The following UBXN4 variants were observed in gnomAD, a reference collection of about 807,000 sequenced individuals.
UBXN4 encodes the protein UBX domain protein 4, also known as UBX domain-containing protein 4.
Under a neutral mutation model 66.2 loss-of-function variants are expected in UBXN4, and 35 were observed. The observed-to-expected ratio is 0.53, with a 90% CI of 0.40 to 0.70. The LOEUF (loss-of-function observed/expected upper bound fraction) is 0.70. Among genes scored for constraint, UBXN4 ranks in the 30% least tolerant of loss-of-function variants. The pLI is 0.00. For synonymous variants in UBXN4, 203 were observed against 204.5 expected (o/e 0.99, Z 0.06); for missense variants, 533 against 599.8 (o/e 0.89, Z 1.16).
intron 1 of UBXN4, chr2:135,747,904 A>G (rs778967347): frequency 2.5e-5 from 8 of 323,084 alleles, no homozygotes; most frequent in Non-Finnish European, 4.9e-5. Context: ...TATAGGCGTG[A>G]GCCACCGAGC....
chr2:135,747,313 A>G (rs1174769874), intron 1 of UBXN4, among the ~76,000 whole-genome samples: 1 of 138,210 alleles, frequency 7.2e-6, no homozygotes, highest in Non-Finnish European at 1.5e-5. Flanking sequence ...GCACCATTGC[A>G]CTACAACCTG....
Position 135,770,598 on chromosome 2 carries a change from A to G in UBXN4, c.685A>G (p.Arg229Gly), listed in dbSNP as rs2077377782. ...QREIKKEIER[R>G]KTGKEMLDYK... is the part of the protein sequence containing the mutation. ...AGAAATTAAGAAGGAAATTGAGAGG[A>G]GAAAAACTGGAAAAGAAATGTTGGA... The change falls in exon 8 of 13, where the codon AGA becomes GGA. Residue 229 changes from arginine to glycine, a missense_variant. Around this residue, in one of 2 missense-constraint regions of UBXN4, gnomAD observed 529 missense variants for 580.1 expected, o/e 0.91. Transcript: ENST00000272638. The G allele has an allele frequency of 2.0e-6, 3 of 1,532,016 alleles. No homozygotes were observed. The highest frequency in any genetic ancestry group is 2.6e-6 in the Non-Finnish European group (3 of 1,144,988). The allele number at this position is 1,532,016 out of a possible 1,614,324, so 94.9% of individuals were successfully genotyped here. A position where few individuals can be genotyped will look rare whatever the true frequency, so the allele number is the denominator to read the frequency against.
At chr2:135,743,148 T>A (rs2105488346) in intron 1 of UBXN4, among the ~76,000 whole-genome samples, 1 of 152,362 alleles carries the variant, frequency 6.6e-6, no homozygotes, top group South Asian at 2.1e-4. Flanking sequence ...GCTCTATAAC[T>A]TTATGCACTG....
chr2:135,772,591 G>A, intron 9 of UBXN4, 44 bp downstream of exon 9: 1 of 1,606,862 alleles, frequency 6.2e-7, no homozygotes, highest in South Asian at 1.1e-5. Context: ...CATAGGGGCT[G>A]AGGAGAATGA....
intron 6 of UBXN4, among the ~76,000 whole-genome samples, chr2:135,763,896 G>A (rs1297252396): frequency 1.3e-5 from 2 of 152,042 alleles, no homozygotes; most frequent in Non-Finnish European, 2.9e-5. Context: ...AGGCTGAGAT[G>A]GGTGGATCAT....
At chr2:135,751,157 C>G (rs2077238876) in intron 2 of UBXN4, among the ~76,000 whole-genome samples, 1 of 142,832 alleles carries the variant, frequency 7.0e-6, no homozygotes, top group South Asian at 2.3e-4. Flanking sequence ...CCGGCCGTGT[C>G]TGGCATTTTT....
intron 2 of UBXN4, 151 bp from the exon 3 acceptor site, chr2:135,753,388 T>A (rs1042351137): frequency 1.9e-6 from 1 of 516,428 alleles, no homozygotes; most frequent in African/African-American, 2.0e-5. Flanking sequence ...AAATAAGAAT[T>A]ATATTTTTCT....
chr2:135,748,851 G>A (rs1456997752), intron 2 of UBXN4, among the ~76,000 whole-genome samples: 6 of 151,784 alleles, frequency 4.0e-5, no homozygotes, highest in African/African-American at 1.2e-4. Flanking sequence ...GCAACACAGT[G>A]AGACCTTGTC....
At position 135,772,482 on chromosome 2, in the gene UBXN4, T is replaced by C; in HGVS notation, c.885T>C (p.Ala295=). Residue 295 remains alanine (A), a synonymous_variant, in exon 9 of 13, where the codon GCT becomes GCC. Coordinates refer to ENST00000272638, the MANE Select transcript of UBXN4 (RefSeq NM_014607.4). ...KTKEEVEAAK[A]AALLAKQAEM... ...AGGAAGAAGTAGAGGCTGCCAAAGCTGCTGCCTTGCTAGCAAAACAGGCAG... is the reference window on the plus strand; with the variant it reads ...AGGAAGAAGTAGAGGCTGCCAAAGCCGCTGCCTTGCTAGCAAAACAGGCAG... 6.2e-7 allele frequency: 1 copy of C among 1,614,156 alleles called. No homozygotes were observed. Among genetic ancestry groups the C allele is most frequent in the African/African-American group, 1.3e-5 (1 of 75,068 alleles).
intron 1 of UBXN4, among the ~76,000 whole-genome samples, chr2:135,743,194 T>G (rs2077188204): frequency 6.6e-6 from 1 of 152,250 alleles, no homozygotes; most frequent in African/African-American, 2.4e-5. Context: ...TGAATGTCAT[T>G]TAGCATTAAA....
chr2:135,752,105 TG>T (rs1269188194), intron 2 of UBXN4, among the ~76,000 whole-genome samples: 5 of 152,058 alleles, frequency 3.3e-5, no homozygotes, highest in Admixed American at 6.6e-5. Flanking sequence ...TGGAGTGCAA[TG>T]GCATGATCTC....
chr2:135,777,915 C>G (rs537700677), intron 10 of UBXN4, among the ~76,000 whole-genome samples: 1 of 151,350 alleles, frequency 6.6e-6, no homozygotes, highest in Non-Finnish European at 1.5e-5. Flanking sequence ...CAGTGGCTCA[C>G]GCCTGTAATC....
chr2:135,757,267 G>T (rs2077284054), intron 5 of UBXN4, among the ~76,000 whole-genome samples: 1 of 151,994 alleles, frequency 6.6e-6, no homozygotes, highest in Admixed American at 6.6e-5. Flanking sequence ...TCTCCATTCT[G>T]ATGTTAAGCC....
chr2:135,754,380 G>C lies in UBXN4; in HGVS notation c.333+103G>C. The C allele has an allele frequency of 3.5e-6, 3 of 860,366 alleles. No individual in the cohort carries two copies. In the South Asian group the frequency reaches 4.6e-5, roughly 13 times the overall value. The allele number at this position is 860,366 out of a possible 1,614,324, so 53.3% of individuals were successfully genotyped here. On this transcript the variant is annotated intron_variant, in intron 4 of 12. Coordinates refer to ENST00000272638, the MANE Select transcript of UBXN4 (RefSeq NM_014607.4). ...TCTGTCGCCCAGGCTGGAGTGCAGT[G>C]GTGTGATCTCAGCTCAAGTGCAGCC...
intron 2 of UBXN4, among the ~76,000 whole-genome samples, chr2:135,748,746 T>C (rs1416149477): frequency 6.8e-6 from 1 of 147,324 alleles, no homozygotes; most frequent in Non-Finnish European, 1.5e-5. Context: ...AAAAAGAATA[T>C]AGGCCAGGCA....
intron 11 of UBXN4, 49 bp downstream of exon 11, chr2:135,779,128 A>C: frequency 6.6e-7 from 1 of 1,521,574 alleles, no homozygotes; most frequent in African/African-American, 1.4e-5. Flanking sequence ...TTTTCTGTTT[A>C]TCATACTCTT....
intron 5 of UBXN4, among the ~76,000 whole-genome samples, chr2:135,760,959 C>T (rs978439243): frequency 1.3e-5 from 2 of 152,194 alleles, no homozygotes; most frequent in Non-Finnish European, 2.9e-5. Flanking sequence ...ATTTTTACTA[C>T]TACTGTAGTA....
At chr2:135,747,348 C>CAAAAA (rs138276089) in intron 1 of UBXN4, among the ~76,000 whole-genome samples, 3 of 83,500 alleles carry the variant, frequency 3.6e-5, no homozygotes, top group Admixed American at 1.4e-4. Context: ...AACTCCATCT[C>CAAAAA]AAAAAAAAAA....
At chr2:135,752,382 A>G (rs1382486042) in intron 2 of UBXN4, among the ~76,000 whole-genome samples, 2 of 152,086 alleles carry the variant, frequency 1.3e-5, no homozygotes, top group African/African-American at 4.8e-5. Flanking sequence ...GGGTTTCGCC[A>G]TGTTGGCCAG....
Sources: gnomAD v4.1 joint callset for allele counts (sites outside exome capture counted in the v4.1 genomes callset) on GRCh38, gnomAD v4.1.1 for gene constraint, gnomAD v4.1.1 regional missense constraint, MANE v1.5 for transcripts, NCBI Gene and HGNC (gene_info 2026-07-23, HGNC 2026-07-21) for gene names.